NRG1: variants seen among roughly 807,000 people sequenced by gnomAD.
The protein encoded by NRG1 is pro-neuregulin-1, membrane-bound isoform.
Under a neutral mutation model 63.8 loss-of-function variants are expected in NRG1, and 18 were observed. The observed-to-expected ratio is 0.28, with a 90% CI of 0.19 to 0.42. The LOEUF (loss-of-function observed/expected upper bound fraction) is 0.42, where lower values mean the gene tolerates loss of function less well. Among genes scored for constraint, NRG1 ranks in the 10% least tolerant of loss-of-function variants. The pLI is 1.00. For synonymous variants in NRG1, 302 were observed against 301.3 expected (o/e 1.00, Z -0.02); for missense variants, 762 against 814.7 (o/e 0.94, Z 0.79).
At chr8:31,697,430 G>A (rs1311671033) in intron 1 of NRG1, among the ~76,000 whole-genome samples, 4 of 152,144 alleles carry the variant, frequency 2.6e-5, no homozygotes, top group Non-Finnish European at 5.9e-5. Flanking sequence ...ATAGATAGAA[G>A]TGAACATTTC....
intron 1 of NRG1, among the ~76,000 whole-genome samples, chr8:31,739,758 C>T (rs550857272): frequency 1.1e-3 from 163 of 152,092 alleles, no homozygotes; most frequent in African/African-American, 3.6e-3. Context: ...GTCAGTTGCA[C>T]GAGAGTGTTC....
intron 1 of NRG1, among the ~76,000 whole-genome samples, chr8:31,712,279 T>TTTTTTTTTTTTTTTTTTC: frequency 1.8e-5 from 1 of 55,518 alleles, no homozygotes; most frequent in Non-Finnish European, 4.1e-5. Flanking sequence ...TTTTTTTTTT[T>TTTTTTTTTTTTTTTTTTC]TTTTTTGATG....
chr8:32,370,476 CTG>C (rs1285466144), intron 1 of NRG1, among the ~76,000 whole-genome samples: 2 of 152,132 alleles, frequency 1.3e-5, no homozygotes. Flanking sequence ...GAGCCAATGA[CTG>C]TGTATTACAT....
chr8:32,437,805 G>A (rs1017882115), intron 1 of NRG1, among the ~76,000 whole-genome samples: 1 of 151,990 alleles, frequency 6.6e-6, no homozygotes, highest in Non-Finnish European at 1.5e-5. Flanking sequence ...CATTTCTTTT[G>A]ATATTATTTA....
intron 1 of NRG1, among the ~76,000 whole-genome samples, chr8:31,730,436 T>C (rs1297861436): frequency 6.6e-6 from 1 of 152,140 alleles, no homozygotes; most frequent in Admixed American, 6.6e-5. Context: ...CCCATGTATA[T>C]ACAGATAATC....
chr8:32,308,522 T>A (rs186977153), intron 1 of NRG1, among the ~76,000 whole-genome samples: 156 of 152,330 alleles, frequency 1.0e-3, no homozygotes, highest in African/African-American at 3.7e-3. Context: ...AACCTATTAT[T>A]TCCACAATTC....
intron 1 of NRG1, among the ~76,000 whole-genome samples, chr8:32,341,793 A>G (rs1804115860): frequency 6.6e-6 from 1 of 152,228 alleles, no homozygotes; most frequent in Non-Finnish European, 1.5e-5. Context: ...CCAAAGTACA[A>G]GTATAGAGTA....
intron 1 of NRG1, among the ~76,000 whole-genome samples, chr8:31,955,330 A>G (rs904598764): frequency 1.3e-5 from 2 of 152,252 alleles, no homozygotes; most frequent in Non-Finnish European, 2.9e-5. Flanking sequence ...AGAAACACTG[A>G]AAGATATTTC....
chr8:32,028,441 G>A (rs1397387672), intron 1 of NRG1, among the ~76,000 whole-genome samples: 2 of 152,122 alleles, frequency 1.3e-5, no homozygotes, highest in Non-Finnish European at 2.9e-5. Flanking sequence ...CTGAATGATG[G>A]CATCAGCTCA....
chr8:31,958,861 C>T (rs1171814586), intron 1 of NRG1, among the ~76,000 whole-genome samples: 4 of 152,116 alleles, frequency 2.6e-5, no homozygotes, highest in African/African-American at 4.8e-5. Flanking sequence ...ACAGAACTGG[C>T]AGGTCTGTCA....
intron 1 of NRG1, among the ~76,000 whole-genome samples, chr8:32,104,550 A>C (rs1399592628): frequency 6.6e-6 from 1 of 152,150 alleles, no homozygotes; most frequent in Admixed American, 6.5e-5. Context: ...TGACTTAATA[A>C]ATGTTTTAAT....
chr8:32,190,309 C>T (rs73675874), intron 1 of NRG1, among the ~76,000 whole-genome samples: 1,678 of 152,104 alleles, frequency 0.011, 28 homozygotes, highest in African/African-American at 0.036. Flanking sequence ...CAACAGACTT[C>T]AAGATGATCT....
At chr8:32,257,539 C>A (rs974773188) in intron 1 of NRG1, among the ~76,000 whole-genome samples, 2 of 151,558 alleles carry the variant, frequency 1.3e-5, no homozygotes, top group Non-Finnish European at 2.9e-5. Flanking sequence ...TTCTTCTTTA[C>A]ATATAGTGTT....
At chr8:32,064,445 A>G (rs1205719473) in intron 1 of NRG1, among the ~76,000 whole-genome samples, 1 of 152,020 alleles carries the variant, frequency 6.6e-6, no homozygotes, top group Non-Finnish European at 1.5e-5. Flanking sequence ...GCCCCTACTG[A>G]TGACTTAGCA....
At chr8:32,325,834 C>T (rs900086571) in intron 1 of NRG1, among the ~76,000 whole-genome samples, 1 of 152,146 alleles carries the variant, frequency 6.6e-6, no homozygotes, top group African/African-American at 2.4e-5. Flanking sequence ...TTACTCTGTG[C>T]AGAATGTCTA....
chr8:32,007,640 C>G (rs1348904152), intron 1 of NRG1, among the ~76,000 whole-genome samples: 1 of 152,008 alleles, frequency 6.6e-6, no homozygotes, highest in Non-Finnish European at 1.5e-5. Flanking sequence ...GAAAGTCGAT[C>G]CACATCTCTT....
chr8:31,891,837 A>C (rs1831168240), intron 1 of NRG1, among the ~76,000 whole-genome samples: 2 of 152,202 alleles, frequency 1.3e-5, no homozygotes, highest in African/African-American at 4.8e-5. Context: ...ATGCAATGGA[A>C]AGTTACATGC....
At chr8:32,729,454 G>A (rs1823083628) in intron 6 of NRG1, among the ~76,000 whole-genome samples, 1 of 152,172 alleles carries the variant, frequency 6.6e-6, no homozygotes, top group South Asian at 2.1e-4. Context: ...AACATGCAGT[G>A]GGGACATTAT....
At chr8:32,222,969 A>G (rs193255457) in intron 1 of NRG1, among the ~76,000 whole-genome samples, 13 of 152,342 alleles carry the variant, frequency 8.5e-5, no homozygotes, top group Admixed American at 8.5e-4. Flanking sequence ...TATTCAATCA[A>G]TCAAAGAGAG....
Sources: allele counts gnomAD v4.1 joint callset (sites outside exome capture counted in the v4.1 genomes callset), GRCh38; gene constraint gnomAD v4.1.1; transcripts MANE v1.5; gene names NCBI Gene and HGNC (gene_info 2026-07-23, HGNC 2026-07-21).